RNF213: variants seen among roughly 807,000 people sequenced by gnomAD.
RNF213 encodes the protein E3 ubiquitin-protein ligase RNF213.
RNF213 carries 341 observed loss-of-function variants against 514.4 expected under a neutral mutation model. The observed-to-expected ratio is 0.66, with a 90% CI of 0.61 to 0.73. The LOEUF (loss-of-function observed/expected upper bound fraction) is 0.73. RNF213 is among the 30% of genes least tolerant of loss of function. The probability of loss-of-function intolerance (pLI) is 0.00; values close to 1 mark genes in which losing one functional copy is unlikely to be tolerated. For missense variants in RNF213, 5,767 were observed against 6,615.6 expected (o/e 0.87, Z 4.45); for synonymous variants, 2,655 against 2,658.2 (o/e 1.00, Z 0.04).
Position 80,295,619 on chromosome 17 carries a change from C to T in RNF213, c.1818C>T (p.Ser606=). 6.2e-7 allele frequency: 1 copy of T among 1,614,146 alleles called. No homozygotes were observed. Among genetic ancestry groups the T allele is most frequent in the Non-Finnish European group, 8.5e-7 (1 of 1,180,014 alleles). The change falls in exon 10 of 68, where the codon AGC becomes AGT. Residue 606 remains serine (S), a synonymous_variant. Coordinates refer to ENST00000582970, the MANE Select transcript of RNF213 (RefSeq NM_001256071.3). ...KHVVPLPDGK[S]TDFLPVDCPV... ...TGGTACCATTGCCGGACGGAAAAAG[C>T]ACGGACTTTTTGCCTGTGGACTGCC...
chr17:80,376,330 C>A lies in RNF213; in HGVS notation c.13215C>A (p.Gly4405=). 6.2e-7 allele frequency: 1 copy of A among 1,614,080 alleles called. No individual in the cohort carries two copies. Among genetic ancestry groups the A allele is most frequent in the South Asian group, 1.1e-5 (1 of 91,090 alleles). ...EQCEAVSKFI[G]ECKILSPPDI... is the part of the protein sequence containing the mutation. ...GTGAAGCTGTGAGCAAATTCATTGG[C>A]GAATGCAAGATCCTTTCACCTCCTG... Residue 4405 remains glycine, a synonymous_variant, in exon 52 of 68, where the codon GGC becomes GGA. Coordinates refer to ENST00000582970, the MANE Select transcript of RNF213 (RefSeq NM_001256071.3).
At chr17:80,374,123 CTGTT>C (rs2079642303) in intron 49 of RNF213, among the ~76,000 whole-genome samples, 1 of 152,168 alleles carries the variant, frequency 6.6e-6, no homozygotes, top group Non-Finnish European at 1.5e-5. Context: ...AACCCCGGCA[CTGTT>C]TGACTACCAC....
At chr17:80,357,602 C>A (rs1192426078) in intron 36 of RNF213, among the ~76,000 whole-genome samples, 1 of 152,206 alleles carries the variant, frequency 6.6e-6, no homozygotes, top group East Asian at 1.9e-4. Flanking sequence ...AATGAATCGT[C>A]ATAATTTTAT....
intron 15 of RNF213, chr17:80,316,320 T>C (rs1488319017): frequency 6.6e-6 from 1 of 152,204 alleles, no homozygotes; most frequent in Non-Finnish European, 1.5e-5. Flanking sequence ...AAAAATATTT[T>C]AATCTGAATC....
intron 13 of RNF213, 61 bp downstream of exon 13, chr17:80,307,262 C>G: frequency 6.8e-7 from 1 of 1,477,248 alleles, no homozygotes; most frequent in South Asian, 1.1e-5. Context: ...CTTCCTCTGA[C>G]CCCTATAATT....
At position 80,373,065 on chromosome 17, in the gene RNF213, G is replaced by A. The variant is rs750635890; in HGVS notation, c.12842G>A (p.Arg4281Gln). The A allele has an allele frequency of 1.2e-5, 20 of 1,613,854 alleles. No homozygotes were observed. Among genetic ancestry groups the A allele is most frequent in the Admixed American group, 3.3e-5 (2 of 59,996 alleles). Reference sequence around the variant, plus strand: ...GACTGGCACCGGGTGTACCTGGTGCGGAAGCTCAGCAGCCAGCGGGGGATG... The same window carrying A: ...GACTGGCACCGGGTGTACCTGGTGCAGAAGCTCAGCAGCCAGCGGGGGATG... ...ENDWHRVYLV[R>Q]KLSSQRGMEF... Residue 4281 changes from arginine (R) to glutamine (Q), a missense_variant, in exon 49 of 68, where the codon CGG (arginine) becomes CAG (glutamine). Physicochemically the swap from Arg to Gln is conservative, Grantham distance 43 (BLOSUM62 1). Transcript: ENST00000582970.
At chr17:80,340,901 T>G (rs1045076714) in intron 26 of RNF213, 1 of 155,164 alleles carries the variant, frequency 6.4e-6, no homozygotes, top group African/African-American at 2.4e-5. Flanking sequence ...GCCTCCCGGA[T>G]TCAAGCGATT....
chr17:80,375,598 C>G (rs1258319392), intron 50 of RNF213, among the ~76,000 whole-genome samples, 162 bp from the exon 51 acceptor site: 1 of 151,806 alleles, frequency 6.6e-6, no homozygotes, highest in East Asian at 1.9e-4. Flanking sequence ...CCCAGCTACT[C>G]GGGAGGCTGA....
intron 3 of RNF213, 50 bp from the exon 4 acceptor site, chr17:80,287,765 A>G: frequency 6.3e-7 from 1 of 1,588,470 alleles, no homozygotes; most frequent in South Asian, 1.1e-5. Flanking sequence ...AACACGGGCT[A>G]GAGTAGAGTA....
At chr17:80,373,308 CCACACCTCACCCT>C (rs2079600533) in intron 49 of RNF213, 143 bp downstream of exon 49, 12 of 638,850 alleles carry the variant, frequency 1.9e-5, no homozygotes, top group South Asian at 3.6e-5. Flanking sequence ...CCTCATACCC[CCACACCTCACCCT>C]CACACCCCCA....
At chr17:80,321,568 T>A (rs1198180783) in intron 17 of RNF213, 2 of 152,222 alleles carry the variant, frequency 1.3e-5, no homozygotes, top group African/African-American at 4.8e-5. Context: ...TTTAATTGTT[T>A]AAAGAACTGT....
intron 3 of RNF213, among the ~76,000 whole-genome samples, chr17:80,277,064 GCAAA>G (rs948537097): frequency 8.7e-5 from 13 of 149,372 alleles, no homozygotes; most frequent in African/African-American, 2.7e-4. Context: ...TCAAAACAAA[GCAAA>G]CAAACCAAAA....
rs760921627 is a variant in RNF213, at chr17:80,369,582, A to C, written c.12236A>C (p.Lys4079Thr). 3.7e-6 allele frequency: 6 copies of C among 1,614,146 alleles called. No homozygotes were observed. In the East Asian group the frequency reaches 1.1e-4, roughly 30 times the overall value. ...FVDLVSTICFKDNAPPEKEVI... is the reference protein window; with the variant it reads ...FVDLVSTICFTDNAPPEKEVI... ...GACCTGGTGTCCACCATTTGCTTCA[A>C]GGACAACGCTCCGCCTGAGAAGGAA... Residue 4079 changes from lysine to threonine, a missense_variant, in exon 45 of 68, where the codon AAG becomes ACG. Coordinates refer to ENST00000582970, the MANE Select transcript of RNF213 (RefSeq NM_001256071.3).
intron 50 of RNF213, among the ~76,000 whole-genome samples, chr17:80,375,296 C>A (rs1177795051): frequency 6.6e-6 from 1 of 152,220 alleles, no homozygotes; most frequent in Non-Finnish European, 1.5e-5. Flanking sequence ...TGGGGCATGA[C>A]CCCAGGTGTC....
At position 80,313,021 on chromosome 17, in the gene RNF213, G is replaced by A; in HGVS notation, c.2665G>A (p.Gly889Arg). The A allele has an allele frequency of 1.2e-6, 2 of 1,613,932 alleles. No homozygotes were observed. Among genetic ancestry groups the A allele is most frequent in the Non-Finnish European group, 8.5e-7 (1 of 1,180,042 alleles). ...TCTTGTGTGACAACAGGATTCTGCA[G>A]GACAGAGAGATGAAACTGGAAATAA... ...IRLLSLVDSA[G>R]QRDETGNNSV... is the part of the protein sequence containing the mutation. The change falls in exon 15 of 68, where the codon GGA (glycine) becomes AGA (arginine). Residue 889 changes from glycine to arginine, a missense_variant. Around this residue, in one of 13 missense-constraint regions of RNF213, gnomAD observed 592 missense variants for 673.9 expected, o/e 0.88. Transcript: ENST00000582970.
chr17:80,289,623 C>A, intron 5 of RNF213, 36 bp from the exon 6 acceptor site: 1 of 1,604,972 alleles, frequency 6.2e-7, no homozygotes, highest in Non-Finnish European at 8.5e-7. Context: ...ATGTGGAGGC[C>A]GGCCTTCAAG....
At chr17:80,364,645 C>T (rs1426118154) in intron 42 of RNF213, 92 bp downstream of exon 42, 3 of 1,513,202 alleles carry the variant, frequency 2.0e-6, no homozygotes, top group South Asian at 2.3e-5. Context: ...CTGGGAGACG[C>T]TCTTTTGGCT....
chr17:80,337,232 C>T (rs888976061), intron 23 of RNF213, among the ~76,000 whole-genome samples: 6 of 152,234 alleles, frequency 3.9e-5, no homozygotes, highest in African/African-American at 1.4e-4. Flanking sequence ...GGGTTCTCTG[C>T]ATTGGGGACC....
At chr17:80,350,023 T>C (rs1302616474) in intron 30 of RNF213, 117 bp downstream of exon 30, 3 of 1,135,058 alleles carry the variant, frequency 2.6e-6, no homozygotes, top group Non-Finnish European at 3.9e-6. Flanking sequence ...GACTGTGAAA[T>C]AGATCCTTGT....
Sources: allele counts gnomAD v4.1 joint callset (sites outside exome capture counted in the v4.1 genomes callset), GRCh38; gene constraint gnomAD v4.1.1; regional missense constraint gnomAD v4.1.1; transcripts MANE v1.5; gene names NCBI Gene and HGNC (gene_info 2026-07-23, HGNC 2026-07-21).